The following SEC24B variants were observed in gnomAD, a reference collection of about 807,000 sequenced individuals.
The protein encoded by SEC24B is protein transport protein Sec24B.
A neutral mutation model predicts 142.8 loss-of-function variants in SEC24B; 45 were observed. That is an observed-to-expected ratio of 0.32 (90% CI 0.25 to 0.40). SEC24B has a LOEUF of 0.40. Among genes scored for constraint, SEC24B ranks in the 10% least tolerant of loss-of-function variants. The pLI is 1.00. For synonymous variants in SEC24B, 574 were observed against 568.2 expected (o/e 1.01, Z -0.15); for missense variants, 1,409 against 1,526.8 (o/e 0.92, Z 1.29).
rs796951465 is a variant in SEC24B, at chr4:109,444,472, A to ATTT, written c.133+10489_133+10491dup. Among the ~76,000 whole-genome samples, 660 of 128,220 alleles carry ATTT rather than the reference A, an allele frequency of 5.1e-3. 6 individuals carry two copies. Among genetic ancestry groups the ATTT allele is most frequent in the African/African-American group, 0.017 (591 of 35,582 alleles). 84.1% of individuals were successfully genotyped at this position (128,220 alleles called of 152,430 possible). Reference sequence around the variant, plus strand: ...TCATATGCCCTAAAGAGATCCTGTGATTTTTTTTTTTTTTTTTTTTTGGTA... The same window carrying ATTT: ...TCATATGCCCTAAAGAGATCCTGTGATTTTTTTTTTTTTTTTTTTTTTTTGGTA... On this transcript the variant is annotated intron_variant, in intron 1 of 23. Coordinates refer to ENST00000265175, the MANE Select transcript of SEC24B (RefSeq NM_006323.5).
At chr4:109,437,648 G>A (rs765378868) in intron 1 of SEC24B, among the ~76,000 whole-genome samples, 1 of 151,582 alleles carries the variant, frequency 6.6e-6, no homozygotes, top group African/African-American at 2.4e-5. Flanking sequence ...TGTTTGAGAC[G>A]GAGTCTCGCT....
intron 18 of SEC24B, among the ~76,000 whole-genome samples, 160 bp from the exon 19 acceptor site, chr4:109,530,129 A>G (rs765144945): frequency 5.9e-5 from 9 of 152,250 alleles, no homozygotes; most frequent in South Asian, 2.1e-4. Flanking sequence ...AAAAAAATGT[A>G]TAAGAAGACA....
intron 6 of SEC24B, among the ~76,000 whole-genome samples, chr4:109,505,556 T>G (rs1017707830): frequency 6.6e-6 from 1 of 152,196 alleles, no homozygotes; most frequent in Admixed American, 6.5e-5. Flanking sequence ...TTGCTTCTAC[T>G]TTAACATGTG....
intron 10 of SEC24B, 23 bp from the exon 11 acceptor site, chr4:109,516,501 AACTT>A (rs771524107): frequency 1.3e-5 from 18 of 1,390,836 alleles, no homozygotes; most frequent in Non-Finnish European, 1.8e-5. Context: ...CCTACCAAAT[AACTT>A]ACTTTATTTT....
At chr4:109,449,414 TA>T in intron 1 of SEC24B, 3 of 359,794 alleles carry the variant, frequency 8.3e-6, no homozygotes, top group Non-Finnish European at 1.1e-5. Flanking sequence ...TTTTTTTTTG[TA>T]GAGACGGGAT....
intron 4 of SEC24B, among the ~76,000 whole-genome samples, chr4:109,485,138 T>C (rs564971336): frequency 1.3e-5 from 2 of 152,200 alleles, no homozygotes; most frequent in East Asian, 1.9e-4. Flanking sequence ...TTTTAAGGAT[T>C]GAAGATACTG....
chr4:109,488,743 G>A (rs1734661019), intron 4 of SEC24B: 1 of 167,612 alleles, frequency 6.0e-6, no homozygotes, highest in Non-Finnish European at 1.5e-5. Flanking sequence ...TTGGTAATAA[G>A]GTTTGGCAAA....
chr4:109,529,169 G>A (rs1296928245), intron 18 of SEC24B, among the ~76,000 whole-genome samples: 1 of 151,620 alleles, frequency 6.6e-6, no homozygotes, highest in Non-Finnish European at 1.5e-5. Context: ...TCTCGGGGGT[G>A]GGGGGAAAAA....
At chr4:109,531,331 A>G (rs1057026410) in intron 19 of SEC24B, 54 bp from the exon 20 acceptor site, 1 of 1,461,408 alleles carries the variant, frequency 6.8e-7, no homozygotes, top group Non-Finnish European at 9.4e-7. Context: ...TTGTTTTAAT[A>G]TTTGTCCACC....
chr4:109,483,901 C>T (rs1327281504), intron 4 of SEC24B, among the ~76,000 whole-genome samples: 1 of 152,194 alleles, frequency 6.6e-6, no homozygotes, highest in Admixed American at 6.5e-5. Flanking sequence ...CTTTATAATT[C>T]TCTATCAACA....
intron 15 of SEC24B, 111 bp downstream of exon 15, chr4:109,525,052 A>G (rs987711674): frequency 3.1e-6 from 3 of 969,588 alleles, no homozygotes; most frequent in Non-Finnish European, 4.5e-6. Flanking sequence ...AAGCATGTGC[A>G]TTAGATAGAC....
chr4:109,501,628 G>A (rs890444550), intron 6 of SEC24B, among the ~76,000 whole-genome samples: 2 of 152,086 alleles, frequency 1.3e-5, no homozygotes, highest in South Asian at 2.1e-4. Context: ...GTGCCACCAT[G>A]TCCACCTTAA....
rs770262924 is a variant in SEC24B at position 109,491,314 on chromosome 4, G to A, written c.1166-13G>A. The A allele has an allele frequency of 1.9e-6, 3 of 1,602,706 alleles. No individual in the cohort carries two copies. The highest frequency in any genetic ancestry group is 2.6e-6 in the Non-Finnish European group (3 of 1,172,180). On this transcript the variant is annotated splice_polypyrimidine_tract_variant and intron_variant, in intron 4 of 23. Coordinates refer to ENST00000265175, the MANE Select transcript of SEC24B (RefSeq NM_006323.5). The stretch of plus-strand genomic sequence containing the variant: ...CATTTTAAACCTAGTAGATATTTTG[G>A]TTTTCCTTTTAGGTGTTGACAGCTC...
intron 3 of SEC24B, among the ~76,000 whole-genome samples, chr4:109,473,947 A>G (rs1732801858): frequency 6.6e-6 from 1 of 152,222 alleles, no homozygotes; most frequent in Non-Finnish European, 1.5e-5. Flanking sequence ...TGTACTCACT[A>G]TGTAATGACA....
chr4:109,506,849 G>T (rs1243681704), intron 7 of SEC24B, among the ~76,000 whole-genome samples: 1 of 151,814 alleles, frequency 6.6e-6, no homozygotes, highest in Non-Finnish European at 1.5e-5. Context: ...TTTTCAATAA[G>T]GACAGATATT....
rs933123119 is a variant in SEC24B, at chr4:109,532,101, C to T, written c.3391-538C>T. On this transcript the variant is annotated intron_variant, in intron 20 of 23. Transcript: ENST00000265175. ...CAAACTCCTGACCTCAAGTGATCTG[C>T]CCATCTCGGCTTCCCAAAGTGCTGG... 2.0e-5 allele frequency among the ~76,000 whole-genome samples: 3 copies of T among 152,026 alleles called. No individual in the cohort carries two copies. In the East Asian group the frequency reaches 5.8e-4, roughly 29 times the overall value.
chr4:109,527,534 A>C, intron 18 of SEC24B, 102 bp downstream of exon 18: 1 of 835,414 alleles, frequency 1.2e-6, no homozygotes, highest in Middle Eastern at 2.3e-4. Flanking sequence ...GCATTTTGGG[A>C]GGCTGAGGCG....
chr4:109,493,293 T>C (rs1207686966), intron 5 of SEC24B, among the ~76,000 whole-genome samples: 1 of 146,650 alleles, frequency 6.8e-6, no homozygotes, highest in Non-Finnish European at 1.5e-5. Flanking sequence ...AAAAAAAAAA[T>C]AGATTGATTC....
At chr4:109,493,877 G>A (rs770033165) in intron 5 of SEC24B, among the ~76,000 whole-genome samples, 2 of 152,284 alleles carry the variant, frequency 1.3e-5, no homozygotes, top group Middle Eastern at 6.8e-3. Context: ...TTACAGGAGT[G>A]AGCTACCACG....
Sources: gnomAD v4.1 joint callset for allele counts (sites outside exome capture counted in the v4.1 genomes callset) on GRCh38, gnomAD v4.1.1 for gene constraint, MANE v1.5 for transcripts, NCBI Gene and HGNC (gene_info 2026-07-23, HGNC 2026-07-21) for gene names.